The following RETREG1 variants were observed in gnomAD, a reference collection of about 807,000 sequenced individuals.
The protein encoded by RETREG1 is family with sequence similarity 134 member B.
Under a neutral mutation model 54.8 loss-of-function variants are expected in RETREG1, and 44 were observed. The observed-to-expected ratio is 0.80, with a 90% CI of 0.63 to 1.03. The LOEUF is 1.03. Ranked by LOEUF, RETREG1 falls within the 50% of genes least tolerant of loss-of-function variation. The probability of loss-of-function intolerance (pLI) is 0.00; values close to 1 mark genes in which losing one functional copy is unlikely to be tolerated. For synonymous variants in RETREG1, 217 were observed against 238.5 expected (o/e 0.91, Z 0.83); for missense variants, 554 against 605.1 (o/e 0.92, Z 0.89).
At chr5:16,482,555 C>G (rs1738825056) in intron 4 of RETREG1, among the ~76,000 whole-genome samples, 1 of 151,876 alleles carries the variant, frequency 6.6e-6, no homozygotes, top group South Asian at 2.1e-4. Flanking sequence ...TTATTTAATA[C>G]TATTGAAGTT....
At chr5:16,599,198 C>T (rs1351562225) in intron 1 of RETREG1, among the ~76,000 whole-genome samples, 1 of 151,952 alleles carries the variant, frequency 6.6e-6, no homozygotes, top group African/African-American at 2.4e-5. Context: ...CAGAGCAGCA[C>T]CCTGTCTCAA....
chr5:16,492,229 T>TCTCTCACA (rs1406702350), intron 3 of RETREG1, among the ~76,000 whole-genome samples: 2,098 of 110,542 alleles, frequency 0.019, 26 homozygotes, highest in Non-Finnish European at 0.027. Flanking sequence ...TCTCTCTCTC[T>TCTCTCACA]CACACACACA....
chr5:16,544,448 C>G (rs951855858), intron 3 of RETREG1, among the ~76,000 whole-genome samples: 2 of 152,140 alleles, frequency 1.3e-5, no homozygotes, highest in Non-Finnish European at 1.5e-5. Flanking sequence ...TCAAATTTTT[C>G]TTTTGTGGAT....
intron 3 of RETREG1, among the ~76,000 whole-genome samples, chr5:16,549,293 G>C (rs1230947244): frequency 3.3e-5 from 5 of 152,072 alleles, no homozygotes; most frequent in Non-Finnish European, 7.4e-5. Flanking sequence ...TAAGCAATGT[G>C]TAGCTAACTT....
chr5:16,498,996 A>T (rs1038642775), intron 3 of RETREG1, among the ~76,000 whole-genome samples: 1 of 151,880 alleles, frequency 6.6e-6, no homozygotes, highest in African/African-American at 2.4e-5. Flanking sequence ...ACCCTAAAAC[A>T]CACATTGTAT....
chr5:16,576,992 A>C (rs2126314121), intron 1 of RETREG1, among the ~76,000 whole-genome samples: 1 of 152,094 alleles, frequency 6.6e-6, no homozygotes, highest in African/African-American at 2.4e-5. Context: ...ATGTCATCGA[A>C]TATCCCATCA....
intron 3 of RETREG1, among the ~76,000 whole-genome samples, chr5:16,484,144 A>C (rs1738926331): frequency 6.6e-6 from 1 of 152,108 alleles, no homozygotes; most frequent in African/African-American, 2.4e-5. Context: ...CCTAATCATC[A>C]TCTAGAATGT....
rs371057613 is a variant in RETREG1, at chr5:16,586,282, T to C, written c.321-14180A>G. On this transcript the variant is annotated intron_variant, in intron 1 of 8. Coordinates refer to ENST00000306320, the MANE Select transcript of RETREG1 (RefSeq NM_001034850.3). ...ATCTTTTATGCAAATGGCATCTTTG[T>C]GTCTGCCCAGTGGGAACTTACAATA... 8.3e-4 allele frequency among the ~76,000 whole-genome samples: 126 copies of C among 152,338 alleles called. 1 individual carries two copies. The South Asian group carries it at 0.025, about 31-fold the overall frequency.
At chr5:16,535,897 C>T (rs1237169894) in intron 3 of RETREG1, among the ~76,000 whole-genome samples, 1 of 148,346 alleles carries the variant, frequency 6.7e-6, no homozygotes, top group East Asian at 2.0e-4. Context: ...GTGCACGCTG[C>T]CTTCACAAAG....
chr5:16,500,866 C>T (rs1302516132), intron 3 of RETREG1, among the ~76,000 whole-genome samples: 2 of 152,094 alleles, frequency 1.3e-5, no homozygotes, highest in East Asian at 1.9e-4. Context: ...GAATGCACTC[C>T]GGAGCTGTTT....
intron 5 of RETREG1, 78 bp from the exon 6 acceptor site, chr5:16,479,065 C>G: frequency 1.4e-6 from 2 of 1,393,186 alleles, no homozygotes; most frequent in Non-Finnish European, 2.0e-6. Context: ...TCACAAAATA[C>G]TACATTTCTT....
intron 3 of RETREG1, among the ~76,000 whole-genome samples, chr5:16,496,379 C>A (rs1739459468): frequency 6.6e-6 from 1 of 152,172 alleles, no homozygotes; most frequent in African/African-American, 2.4e-5. Flanking sequence ...ACTGTCAAAT[C>A]ACACTGCCAC....
chr5:16,544,369 T>C (rs916090773), intron 3 of RETREG1, among the ~76,000 whole-genome samples: 1 of 152,234 alleles, frequency 6.6e-6, no homozygotes, highest in African/African-American at 2.4e-5. Context: ...ATCTATGCCT[T>C]GACTTTTCAT....
chr5:16,552,926 T>C (rs1741584761), intron 3 of RETREG1, among the ~76,000 whole-genome samples: 1 of 152,186 alleles, frequency 6.6e-6, no homozygotes, highest in Admixed American at 6.5e-5. Flanking sequence ...ACACCCCCTC[T>C]AGTGGCAGCC....
intron 3 of RETREG1, among the ~76,000 whole-genome samples, chr5:16,554,946 A>C (rs1049217529): frequency 2.0e-5 from 3 of 152,092 alleles, no homozygotes; most frequent in African/African-American, 7.2e-5. Flanking sequence ...CTCACCTTCA[A>C]GTTCTTGTTC....
intron 2 of RETREG1, among the ~76,000 whole-genome samples, chr5:16,566,988 G>A (rs1456165859): frequency 1.3e-5 from 2 of 152,248 alleles, no homozygotes. Flanking sequence ...CTGGAGCCAA[G>A]AGTGGAGAAA....
chr5:16,574,694 G>A (rs1742276377), intron 1 of RETREG1, among the ~76,000 whole-genome samples: 1 of 152,138 alleles, frequency 6.6e-6, no homozygotes, highest in Non-Finnish European at 1.5e-5. Context: ...CCAGGCCCCA[G>A]GCTCCTCCTC....
chr5:16,498,284 C>T (rs1383620969), intron 3 of RETREG1, among the ~76,000 whole-genome samples: 1 of 152,208 alleles, frequency 6.6e-6, no homozygotes, highest in Non-Finnish European at 1.5e-5. Context: ...CTATAGGGTA[C>T]AACCTATTGC....
chr5:16,491,289 C>G (rs1250107868), intron 3 of RETREG1, among the ~76,000 whole-genome samples: 1 of 152,206 alleles, frequency 6.6e-6, no homozygotes, highest in Admixed American at 6.5e-5. Flanking sequence ...ACCGTCGCAT[C>G]TGGTAACGTT....
Sources: allele counts gnomAD v4.1 joint callset (sites outside exome capture counted in the v4.1 genomes callset), GRCh38; gene constraint gnomAD v4.1.1; transcripts MANE v1.5; gene names NCBI Gene and HGNC (gene_info 2026-07-23, HGNC 2026-07-21).